SPTA1: variants seen among roughly 807,000 people sequenced by gnomAD.
SPTA1 encodes spectrin alpha, erythrocytic 1.
Under a neutral mutation model 324.7 loss-of-function variants are expected in SPTA1, and 177 were observed. The observed-to-expected ratio is 0.55, with a 90% confidence interval of 0.48 to 0.62. The LOEUF is 0.62. Ranked by LOEUF, SPTA1 falls within the 20% of genes least tolerant of loss-of-function variation. SPTA1 has a pLI of 0.00. For synonymous variants in SPTA1, 1,195 were observed against 1,041.3 expected (o/e 1.15, Z -2.84); for missense variants, 3,162 against 2,883.6 (o/e 1.10, Z -2.21).
intron 3 of SPTA1, among the ~76,000 whole-genome samples, chr1:158,682,595 T>C (rs1028845012): frequency 5.9e-5 from 9 of 152,194 alleles, no homozygotes; most frequent in African/African-American, 2.2e-4. Flanking sequence ...AGAATTTTTA[T>C]GCTATATATA....
chr1:158,631,763 G>C (rs1650691440), intron 39 of SPTA1, among the ~76,000 whole-genome samples: 1 of 152,058 alleles, frequency 6.6e-6, no homozygotes, highest in Non-Finnish European at 1.5e-5. Context: ...CTTCACACCT[G>C]TCAGGATGGC....
chr1:158,645,656 G>A, intron 27 of SPTA1, 62 bp from the exon 28 acceptor site: 1 of 1,543,424 alleles, frequency 6.5e-7, no homozygotes, highest in African/African-American at 1.4e-5. Context: ...AGTGCTGTTT[G>A]TCCTACAGTT....
chr1:158,647,602 G>GT lies in SPTA1; in HGVS notation c.3832dup (p.Thr1278AsnfsTer5). On this transcript the variant is annotated frameshift_variant, in exon 27 of 52. Coordinates refer to ENST00000643759, the MANE Select transcript of SPTA1 (RefSeq NM_003126.4). LOFTEE classifies it high-confidence loss of function. ...ATTTAGGCTCTCCTTACGATCCTTT[G>GT]TACGCCCCTGCAGGTCTTCCCAGGC... The GT allele has an allele frequency of 6.2e-7, 1 of 1,613,868 alleles. No individual in the cohort carries two copies. Among genetic ancestry groups the GT allele is most frequent in the Middle Eastern group, 1.7e-4 (1 of 6,042 alleles).
chr1:158,663,417 T>C (rs12127055), intron 16 of SPTA1, among the ~76,000 whole-genome samples: 40 of 152,168 alleles, frequency 2.6e-4, no homozygotes, highest in Non-Finnish European at 4.3e-4. Flanking sequence ...AACGTGATGT[T>C]ATAAAAAATT....
At chr1:158,623,482 T>A (rs1331155461) in intron 42 of SPTA1, among the ~76,000 whole-genome samples, 1 of 152,160 alleles carries the variant, frequency 6.6e-6, no homozygotes, top group Non-Finnish European at 1.5e-5. Flanking sequence ...ATAGTCCCCA[T>A]GTGTCATGGG....
chr1:158,674,188 GT>G, intron 10 of SPTA1, 140 bp downstream of exon 10: 1 of 910,868 alleles, frequency 1.1e-6, no homozygotes, highest in South Asian at 1.4e-5. Flanking sequence ...AAAGGAAGCA[GT>G]GTAAAAGTTT....
At chr1:158,664,657 A>T (rs1025944120) in intron 16 of SPTA1, among the ~76,000 whole-genome samples, 2 of 152,270 alleles carry the variant, frequency 1.3e-5, no homozygotes, top group Admixed American at 1.3e-4. Context: ...CCCAGAACTT[A>T]AAGTAAAATA....
intron 5 of SPTA1, among the ~76,000 whole-genome samples, chr1:158,680,358 A>T (rs1228791674): frequency 6.6e-6 from 1 of 152,124 alleles, no homozygotes. Context: ...CCAAACACAC[A>T]AAAACACACT....
chr1:158,667,875 T>A lies in SPTA1; in HGVS notation c.2021A>T (p.Glu674Val). The A allele has an allele frequency of 6.2e-7, 1 of 1,613,958 alleles. No individual in the cohort carries two copies. Among genetic ancestry groups the A allele is most frequent in the Non-Finnish European group, 8.5e-7 (1 of 1,179,964 alleles). Residue 674 changes from glutamate (E) to valine (V), a missense_variant, in exon 15 of 52, where the codon GAG (glutamate) becomes GTG (valine). Physicochemically the swap from Glu to Val is moderately radical, Grantham distance 121. Transcript: ENST00000643759. Reference protein sequence around the residue: ...EVASLWEELLEATKQKGTQLH... With the variant: ...EVASLWEELLVATKQKGTQLH... Reference sequence around the variant, plus strand: ...CTTTTTACCTTTCTGTTTTGTAGCCTCCAGCAACTCCTCCCAGAGGCTGGC... The same window carrying A: ...CTTTTTACCTTTCTGTTTTGTAGCCACCAGCAACTCCTCCCAGAGGCTGGC...
At position 158,637,885 on chromosome 1, in the gene SPTA1, C is replaced by G. The variant is rs934155568; in HGVS notation, c.5189+148G>C. ...TAAGGGAATTTGGGAAAAATAAAAC[C>G]AATGTTAACCTTAAGCTGAGGCAAA... On this transcript the variant is annotated intron_variant, in intron 36 of 51. Transcript: ENST00000643759. The G allele has an allele frequency of 1.0e-5, 10 of 999,078 alleles. No homozygotes were observed. In the Admixed American group the frequency reaches 1.2e-4, roughly 12 times the overall value. The allele number at this position is 999,078 out of a possible 1,614,324, so 61.9% of individuals were successfully genotyped here. A position where few individuals can be genotyped will look rare whatever the true frequency, so the allele number is the denominator to read the frequency against.
chr1:158,678,453 G>T lies in SPTA1; in HGVS notation c.760C>A (p.Leu254Ile). ...TTGGACAGAGCTTTCTGTCTCTGGA[G>T]AGCCAAACCACGAAGGCGCTCCCAG... ...AAWERLRGLALQRQKALSNAA... is the reference protein window; with the variant it reads ...AAWERLRGLAIQRQKALSNAA... The change falls in exon 6 of 52, where the codon CTC becomes ATC. Residue 254 changes from leucine (L) to isoleucine (I), a missense_variant. Physicochemically the swap from Leu to Ile is conservative, Grantham distance 5. Coordinates refer to ENST00000643759, the MANE Select transcript of SPTA1 (RefSeq NM_003126.4). 6.2e-7 allele frequency: 1 copy of T among 1,613,758 alleles called. No individual in the cohort carries two copies. Among genetic ancestry groups the T allele is most frequent in the Non-Finnish European group, 8.5e-7 (1 of 1,179,788 alleles).
intron 31 of SPTA1, 21 bp from the exon 32 acceptor site, chr1:158,642,997 A>ACT: frequency 6.2e-7 from 1 of 1,613,010 alleles, no homozygotes; most frequent in Non-Finnish European, 8.5e-7. Flanking sequence ...GAGCCAAATC[A>ACT]CTCTATGCCC....
chr1:158,684,182 C>G (rs2852638), intron 2 of SPTA1, among the ~76,000 whole-genome samples: 146,948 of 151,906 alleles, frequency 0.97, 71,251 homozygotes, highest in Non-Finnish European at 1. Flanking sequence ...ATCAGAAACG[C>G]GTAGGAGCTT....
At position 158,642,420 on chromosome 1, in the gene SPTA1, C is replaced by T; in HGVS notation, c.4728G>A (p.Glu1576=). ...TCATCCTGAGCTTTACCTTCATGGC[C>T]TCTTCATTGCCATCACAAGCGCTAC... The part of the protein sequence containing the change: ...IECSACDGNE[E]AMKEQLEQLK... The change falls in exon 33 of 52, where the codon GAG becomes GAA. Residue 1576 remains glutamate (E), a synonymous_variant. Coordinates refer to ENST00000643759, the MANE Select transcript of SPTA1 (RefSeq NM_003126.4). The T allele has an allele frequency of 1.2e-6, 2 of 1,613,406 alleles. No homozygotes were observed. The highest frequency in any genetic ancestry group is 1.1e-5 in the South Asian group (1 of 91,052).
At chr1:158,681,756 A>C in intron 3 of SPTA1, 89 bp from the exon 4 acceptor site, 1 of 1,561,404 alleles carries the variant, frequency 6.4e-7, no homozygotes, top group Non-Finnish European at 8.8e-7. Flanking sequence ...ACCTGGATAA[A>C]AATTCTTCTC....
In SPTA1 at chr1:158,673,461, T is replaced by G. The variant is rs369187301; in HGVS notation, c.1350+868A>C. Among the ~76,000 whole-genome samples the G allele has an allele frequency of 7.9e-5, 12 of 152,302 alleles. No homozygotes were observed. In the South Asian group the frequency reaches 2.3e-3, roughly 29 times the overall value. ...AGCCCTATGATGTAGGAGGTTAGGATGATGGTAAAACTGATTTCTTCATTC... is the reference window on the plus strand; with the variant it reads ...AGCCCTATGATGTAGGAGGTTAGGAGGATGGTAAAACTGATTTCTTCATTC... On this transcript the variant is annotated intron_variant, in intron 10 of 51. Transcript: ENST00000643759.
rs1650914088 is a variant in SPTA1 at position 158,634,524 on chromosome 1, C to A, written c.5565+19G>T. 7 of 1,613,308 alleles carry A rather than the reference C, an allele frequency of 4.3e-6. No individual in the cohort carries two copies. The highest frequency in any genetic ancestry group is 5.9e-6 in the Non-Finnish European group (7 of 1,179,994). ...CAAATTGAAGAGAAGAAAATTGATT[C>A]ATTCTTCCTGTTCCTCACCTGAGTA... On this transcript the variant is annotated intron_variant, in intron 39 of 51. Transcript: ENST00000643759.
At chr1:158,654,565 T>G in intron 21 of SPTA1, 46 bp downstream of exon 21, 1 of 1,613,686 alleles carries the variant, frequency 6.2e-7, no homozygotes, top group Non-Finnish European at 8.5e-7. Context: ...GAGAGATGGT[T>G]CTGAAAGAGC....
At chr1:158,626,006 G>T in intron 42 of SPTA1, 140 bp downstream of exon 42, 2 of 666,334 alleles carry the variant, frequency 3.0e-6, no homozygotes, top group Non-Finnish European at 5.1e-6. Context: ...ATAATAATTA[G>T]GAAATTATTA....
Sources: allele counts gnomAD v4.1 joint callset (sites outside exome capture counted in the v4.1 genomes callset), GRCh38; gene constraint gnomAD v4.1.1; transcripts MANE v1.5; gene names NCBI Gene and HGNC (gene_info 2026-07-23, HGNC 2026-07-21).